ZCCHC2: variants seen among roughly 807,000 people sequenced by gnomAD.
ZCCHC2 encodes zinc finger CCHC-type containing 2, also known as zinc finger CCHC domain-containing protein 2.
A neutral mutation model predicts 103.6 loss-of-function variants in ZCCHC2; 39 were observed. The ratio of observed to expected loss-of-function variants is 0.38; its 90% CI spans 0.29 to 0.49. The LOEUF is 0.49. ZCCHC2 is among the 20% of genes least tolerant of loss of function. The pLI is 0.96. For missense variants in ZCCHC2, 1,483 were observed against 1,491.0 expected, an observed-to-expected ratio of 0.99 and a Z score of 0.09; for synonymous variants, 687 against 608.9, an observed-to-expected ratio of 1.13 and a Z score of -1.89.
Position 62,576,633 on chromosome 18 carries a change from T to C in ZCCHC2, c.*54T>C. 1 of 1,538,032 alleles carries C rather than the reference T, an allele frequency of 6.5e-7. No homozygotes were observed. Among genetic ancestry groups the C allele is most frequent in the Non-Finnish European group, 9.0e-7 (1 of 1,116,634 alleles). On this transcript the variant is annotated 3_prime_UTR_variant, in exon 14 of 14. Transcript: ENST00000269499. Reference sequence around the variant, plus strand: ...CTCAAGTGTGGGGAGTCATGGGGTGTGGAGGGGAGGAAAGGAAAGGTATTT... The same window carrying C: ...CTCAAGTGTGGGGAGTCATGGGGTGCGGAGGGGAGGAAAGGAAAGGTATTT...
chr18:62,563,862 G>T (rs529096080), intron 9 of ZCCHC2, among the ~76,000 whole-genome samples: 14 of 152,256 alleles, frequency 9.2e-5, no homozygotes, highest in African/African-American at 3.1e-4. Flanking sequence ...TGACACTTCA[G>T]AATGCATTAG....
intron 1 of ZCCHC2, among the ~76,000 whole-genome samples, chr18:62,531,292 T>TG (rs1824181903): frequency 6.6e-6 from 1 of 152,206 alleles, no homozygotes; most frequent in South Asian, 2.1e-4. Flanking sequence ...ATGTTACAGG[T>TG]GTAGCCTGGC....
chr18:62,547,666 G>A (rs1915479584), intron 4 of ZCCHC2, among the ~76,000 whole-genome samples: 1 of 151,658 alleles, frequency 6.6e-6, no homozygotes, highest in African/African-American at 2.4e-5. Context: ...AGTTCAAGCT[G>A]TTCTCATGCC....
intron 3 of ZCCHC2, among the ~76,000 whole-genome samples, chr18:62,543,576 C>T (rs1178201032): frequency 6.6e-6 from 1 of 152,168 alleles, no homozygotes. Flanking sequence ...TCACAGCTTG[C>T]CTTCCTAAAG....
chr18:62,524,380 C>G lies in ZCCHC2; in HGVS notation c.939+17C>G. On this transcript the variant is annotated intron_variant, in intron 1 of 13. Transcript: ENST00000269499. ...AGGGCCCAGGTAAGGCGCACGGAGCCTCCCTGGACTCGCGGTGCGATCGCT... is the reference window on the plus strand; with the variant it reads ...AGGGCCCAGGTAAGGCGCACGGAGCGTCCCTGGACTCGCGGTGCGATCGCT... 1 of 1,458,460 alleles carries G rather than the reference C, an allele frequency of 6.9e-7. No homozygotes were observed. Among genetic ancestry groups the G allele is most frequent in the Non-Finnish European group, 9.0e-7 (1 of 1,109,990 alleles). The allele number at this position is 1,458,460 out of a possible 1,614,324, so 90.3% of individuals were successfully genotyped here.
intron 11 of ZCCHC2, among the ~76,000 whole-genome samples, chr18:62,566,122 G>A (rs947091915): frequency 1.3e-5 from 2 of 152,166 alleles, no homozygotes; most frequent in Non-Finnish European, 2.9e-5. Flanking sequence ...GCACATGCCT[G>A]TAATCTCAGC....
chr18:62,533,460 G>A (rs1914783154), intron 1 of ZCCHC2, among the ~76,000 whole-genome samples: 1 of 152,114 alleles, frequency 6.6e-6, no homozygotes, highest in Non-Finnish European at 1.5e-5. Flanking sequence ...GGGAGGCAGA[G>A]GTTGCAGTGA....
At chr18:62,567,764 G>C (rs1028297232) in intron 11 of ZCCHC2, among the ~76,000 whole-genome samples, 1 of 151,846 alleles carries the variant, frequency 6.6e-6, no homozygotes, top group African/African-American at 2.4e-5. Flanking sequence ...GGCCATCATG[G>C]TGAAACCCTG....
Position 62,575,386 on chromosome 18 carries a change from C to T in ZCCHC2, c.3305C>T (p.Ala1102Val). ...SQANYGMQQM[A>V]GFGRFYPVYP... ...GCCAACTATGGCATGCAGCAGATGG[C>T]AGGATTTGGGAGATTCTATCCTGTA... Residue 1102 changes from alanine (A) to valine (V), a missense_variant, in exon 13 of 14, where the codon GCA (alanine) becomes GTA (valine). By Grantham distance (64) the Ala-to-Val change is moderately conservative (BLOSUM62 0). This residue lies in a region of ZCCHC2 where 884 missense variants were observed against 907.5 expected (regional missense o/e 0.97). Coordinates refer to ENST00000269499, the MANE Select transcript of ZCCHC2 (RefSeq NM_017742.6). The T allele has an allele frequency of 6.2e-7, 1 of 1,613,982 alleles. No homozygotes were observed. Among genetic ancestry groups the T allele is most frequent in the Middle Eastern group, 1.6e-4 (1 of 6,062 alleles).
At chr18:62,530,811 A>G (rs1057217416) in intron 1 of ZCCHC2, among the ~76,000 whole-genome samples, 1 of 152,182 alleles carries the variant, frequency 6.6e-6, no homozygotes, top group African/African-American at 2.4e-5. Context: ...TTAGATTTAG[A>G]TTATTATTAA....
At chr18:62,564,125 T>C (rs1233094704) in intron 9 of ZCCHC2, among the ~76,000 whole-genome samples, 2 of 152,218 alleles carry the variant, frequency 1.3e-5, no homozygotes, top group Non-Finnish European at 2.9e-5. Flanking sequence ...TTATAAATAG[T>C]TTTAGTCATA....
intron 6 of ZCCHC2, 23 bp from the exon 7 acceptor site, chr18:62,558,664 A>G: frequency 7.5e-7 from 1 of 1,335,622 alleles, no homozygotes; most frequent in African/African-American, 1.5e-5. Context: ...TAAAAAGTTA[A>G]TAGTATTGAA....
At chr18:62,526,387 C>T (rs1914397244) in intron 1 of ZCCHC2, 2 of 152,288 alleles carry the variant, frequency 1.3e-5, no homozygotes, top group Admixed American at 6.5e-5. Flanking sequence ...ACTTCTCCAG[C>T]AGTTGTTTAG....
chr18:62,558,201 G>A (rs1030480089), intron 6 of ZCCHC2, among the ~76,000 whole-genome samples: 2 of 152,164 alleles, frequency 1.3e-5, no homozygotes, highest in Non-Finnish European at 2.9e-5. Flanking sequence ...TGTGTTGCAT[G>A]GGCCAGTGCT....
chr18:62,533,368 A>T (rs1227215520), intron 1 of ZCCHC2, among the ~76,000 whole-genome samples: 1 of 151,248 alleles, frequency 6.6e-6, no homozygotes, highest in Non-Finnish European at 1.5e-5. Context: ...TCTACTAAAA[A>T]TACAAAAATT....
chr18:62,545,451 C>G (rs551732730), intron 4 of ZCCHC2, among the ~76,000 whole-genome samples: 1 of 152,026 alleles, frequency 6.6e-6, no homozygotes, highest in African/African-American at 2.4e-5. Context: ...CCTCACCCCC[C>G]ATATGATAGA....
intron 1 of ZCCHC2, 50 bp from the exon 2 acceptor site, chr18:62,539,631 T>G: frequency 1.7e-5 from 25 of 1,471,704 alleles, no homozygotes; most frequent in Non-Finnish European, 2.3e-5. Flanking sequence ...CTGTGATTAT[T>G]ACTCTTAGTC....
rs776869743 is a variant in ZCCHC2 at position 62,524,216 on chromosome 18, C to T, written c.792C>T (p.Thr264=). ...AGGAGGAACTGCTGCTGCTCTTCAC[C>T]ATGGCCTCGCTGCACCCGGCTTTCT... is the stretch of plus-strand genomic sequence containing the variant. The part of the protein sequence containing the change: ...RAQEELLLLF[T]MASLHPAFSF... Residue 264 remains threonine, a synonymous_variant, in exon 1 of 14, where the codon ACC becomes ACT. Coordinates refer to ENST00000269499, the MANE Select transcript of ZCCHC2 (RefSeq NM_017742.6). 4.5e-6 allele frequency: 7 copies of T among 1,550,068 alleles called. No homozygotes were observed. Among genetic ancestry groups the T allele is most frequent in the South Asian group, 2.4e-5 (2 of 84,060 alleles).
intron 1 of ZCCHC2, chr18:62,524,581 A>G (rs1444527551): frequency 6.5e-6 from 4 of 614,360 alleles, no homozygotes; most frequent in Non-Finnish European, 1.0e-5. Flanking sequence ...AGACACAGCC[A>G]CCCGCCATCA....
Sources: allele counts gnomAD v4.1 joint callset (sites outside exome capture counted in the v4.1 genomes callset), GRCh38; gene constraint gnomAD v4.1.1; regional missense constraint gnomAD v4.1.1; transcripts MANE v1.5; gene names NCBI Gene and HGNC (gene_info 2026-07-23, HGNC 2026-07-21).